Variants in NEK6 observed in about 807,000 individuals in gnomAD.
NEK6 encodes the protein NIMA related kinase 6, also known as serine/threonine-protein kinase Nek6.
A neutral mutation model predicts 43.5 loss-of-function variants in NEK6; 27 were observed. That is an observed-to-expected ratio of 0.62 (90% confidence interval 0.46 to 0.86). The LOEUF is 0.86. Ranked by LOEUF, NEK6 falls within the 40% of genes least tolerant of loss-of-function variation. The pLI, the probability that NEK6 is intolerant of heterozygous loss-of-function variation, is 0.00. For missense variants in NEK6, 318 were observed against 414.4 expected, an observed-to-expected ratio of 0.77 and a Z score of 2.02; for synonymous variants, 167 against 164.1, an observed-to-expected ratio of 1.02 and a Z score of -0.14.
At chr9:124,268,717 G>A (rs1309420251) in intron 1 of NEK6, among the ~76,000 whole-genome samples, 2 of 152,192 alleles carry the variant, frequency 1.3e-5, no homozygotes, top group Non-Finnish European at 2.9e-5. Context: ...CCCTTCACAC[G>A]TTGTGTCTCA....
At chr9:124,316,287 A>T (rs1833814763) in intron 4 of NEK6, among the ~76,000 whole-genome samples, 1 of 152,200 alleles carries the variant, frequency 6.6e-6, no homozygotes, top group South Asian at 2.1e-4. Context: ...TCCTGTTGGA[A>T]CGCAGGCGTG....
intron 1 of NEK6, among the ~76,000 whole-genome samples, chr9:124,284,622 A>G (rs1210905875): frequency 2.6e-5 from 4 of 152,236 alleles, no homozygotes; most frequent in Non-Finnish European, 5.9e-5. Context: ...GGCGGTCTCT[A>G]TGGAGTTGTT....
intron 1 of NEK6, among the ~76,000 whole-genome samples, chr9:124,286,089 G>A (rs958794340): frequency 1.4e-5 from 2 of 146,240 alleles, no homozygotes; most frequent in African/African-American, 5.0e-5. Flanking sequence ...GCCCTCCCCC[G>A]CAGTCAGACT....
At position 124,257,981 on chromosome 9, in the gene NEK6, G is replaced by A. The variant is rs1432567951; in HGVS notation, c.-134G>A. ...CGGCGGCGGCGGAACCGAGCTGACG[G>A]GCGTGCGGCCGCTGCGCCGCAAACT... is the stretch of plus-strand genomic sequence containing the variant. On this transcript the variant is annotated 5_prime_UTR_variant, in exon 1 of 10. Transcript: ENST00000320246. The A allele has an allele frequency of 9.1e-4, 891 of 979,020 alleles. 35 individuals are homozygous for A. Among genetic ancestry groups the A allele is most frequent in the Non-Finnish European group, 1.4e-4 (115 of 827,490 alleles). The allele number at this position is 979,020 out of a possible 1,614,324, so 60.6% of individuals were successfully genotyped here. A position where few individuals can be genotyped will look rare whatever the true frequency, so the allele number is the denominator to read the frequency against.
chr9:124,347,607 A>G, intron 8 of NEK6, 102 bp from the exon 9 acceptor site: 1 of 695,414 alleles, frequency 1.4e-6, no homozygotes, highest in Non-Finnish European at 2.4e-6. Context: ...GGTCGGGACC[A>G]GAGAGAACCC....
At chr9:124,302,559 G>A (rs985724390) in intron 2 of NEK6, among the ~76,000 whole-genome samples, 6 of 152,170 alleles carry the variant, frequency 3.9e-5, no homozygotes, top group Admixed American at 6.5e-5. Context: ...CCTGCCTCTC[G>A]CTCTCTCTAG....
intron 2 of NEK6, among the ~76,000 whole-genome samples, chr9:124,303,291 C>T (rs992948312): frequency 3.3e-5 from 5 of 152,356 alleles, no homozygotes; most frequent in African/African-American, 1.2e-4. Context: ...TAGCCACCCT[C>T]CTGAGCCATG....
At chr9:124,314,636 G>T (rs1015661677) in intron 4 of NEK6, among the ~76,000 whole-genome samples, 1 of 151,780 alleles carries the variant, frequency 6.6e-6, no homozygotes, top group African/African-American at 2.4e-5. Context: ...GACCACAGGC[G>T]CATGCCACCA....
At position 124,319,819 on chromosome 9, in the gene NEK6, A is replaced by G. The variant is rs1588507764; in HGVS notation, c.295-1640A>G. Among the ~76,000 whole-genome samples the G allele has an allele frequency of 1.2e-4, 18 of 152,336 alleles. No homozygotes were observed. The South Asian group carries it at 3.5e-3, about 30-fold the overall frequency. On this transcript the variant is annotated intron_variant, in intron 4 of 9. Coordinates refer to ENST00000320246, the MANE Select transcript of NEK6 (RefSeq NM_014397.6). ...TCTATGTATCTATTTTTGTACCAGT[A>G]CCATGCTGTTTTGGTTACCATAGGC...
In NEK6 at chr9:124,326,319, C is replaced by T. The variant is rs1205992897; in HGVS notation, c.406-11C>T. The T allele has an allele frequency of 3.1e-6, 5 of 1,602,114 alleles. No homozygotes were observed. The highest frequency in any genetic ancestry group is 2.2e-5 in the East Asian group (1 of 44,780). ...CCGGGCCTATCCCTCTGCTTGTCTCCCCCACTGCAGTACTTTAAGAAGCAG... is the reference window on the plus strand; with the variant it reads ...CCGGGCCTATCCCTCTGCTTGTCTCTCCCACTGCAGTACTTTAAGAAGCAG... On this transcript the variant is annotated splice_polypyrimidine_tract_variant and intron_variant, in intron 5 of 9. Coordinates refer to ENST00000320246, the MANE Select transcript of NEK6 (RefSeq NM_014397.6). This position sits in a 1 kb window ranked among gnomAD's most constrained non-coding sequence, Gnocchi z 4.5.
intron 2 of NEK6, among the ~76,000 whole-genome samples, chr9:124,306,539 G>A (rs934317055): frequency 1.3e-5 from 2 of 152,268 alleles, no homozygotes; most frequent in Non-Finnish European, 2.9e-5. Flanking sequence ...TACTCCTGCT[G>A]ACTCAGAGGA....
At chr9:124,321,040 C>A (rs548146768) in intron 4 of NEK6, among the ~76,000 whole-genome samples, 1 of 152,274 alleles carries the variant, frequency 6.6e-6, no homozygotes, top group East Asian at 1.9e-4. Context: ...GCAGGCTGGC[C>A]GTGTCTGGGC....
intron 1 of NEK6, among the ~76,000 whole-genome samples, chr9:124,282,641 G>A (rs942418173): frequency 6.6e-6 from 1 of 152,184 alleles, no homozygotes; most frequent in Non-Finnish European, 1.5e-5. Context: ...GGTCAGACAC[G>A]CCCACTGAAT....
chr9:124,350,996 TGAGTC>T lies in NEK6; in HGVS notation c.*51_*55del, dbSNP rs763994206. On this transcript the variant is annotated 3_prime_UTR_variant, in exon 10 of 10. Coordinates refer to ENST00000320246, the MANE Select transcript of NEK6 (RefSeq NM_014397.6). ...AAAGCCAGCACCACTTTGCCTTACT[TGAGTC>T]GTCTTCTCTTCGAGTGGCCACCTGG... is the stretch of plus-strand genomic sequence containing the variant. The T allele has an allele frequency of 2.2e-6, 3 of 1,366,026 alleles. No individual in the cohort carries two copies. In the East Asian group the frequency reaches 6.9e-5, roughly 32 times the overall value. 84.6% of individuals were successfully genotyped at this position (1,366,026 alleles called of 1,614,324 possible).
At chr9:124,330,153 A>C (rs1261671378) in intron 7 of NEK6, among the ~76,000 whole-genome samples, 1 of 152,218 alleles carries the variant, frequency 6.6e-6, no homozygotes, top group African/African-American at 2.4e-5. Context: ...TCGGGCTGAC[A>C]GGTGCGGTAC....
At position 124,339,552 on chromosome 9, in the gene NEK6, G is replaced by A. The variant is rs540020640; in HGVS notation, c.623-19G>A. 32 of 1,590,912 alleles carry A rather than the reference G, an allele frequency of 2.0e-5. No individual in the cohort carries two copies. The highest frequency in any genetic ancestry group is 2.6e-5 in the Non-Finnish European group (30 of 1,159,036). On this transcript the variant is annotated intron_variant, in intron 7 of 9. Transcript: ENST00000320246. The stretch of plus-strand genomic sequence containing the variant: ...CCCTACATGGAGCATAAGCAGCCCC[G>A]CCCCTTGCTGTGTTGCAGTGGGGAC...
At chr9:124,258,162 GTCACCCCCAGCCGGGCCGAGGGCGGGCGC>G (rs1378495384) in intron 1 of NEK6, 77 bp downstream of exon 1, 19 of 975,116 alleles carry the variant, frequency 1.9e-5, no homozygotes, top group Non-Finnish European at 2.3e-5. Context: ...CGGCGGGGCC[GTCACCCCCAGCCGGGCCGAGGGCGGGCGC>G]GCGCCCACGG....
At chr9:124,272,958 C>A (rs191094580) in intron 1 of NEK6, among the ~76,000 whole-genome samples, 249 of 152,244 alleles carry the variant, frequency 1.6e-3, no homozygotes, top group African/African-American at 5.4e-3. Flanking sequence ...AGCAGAAAAA[C>A]CAAAGATTCT....
intron 1 of NEK6, among the ~76,000 whole-genome samples, chr9:124,301,178 G>A (rs1217457542): frequency 6.6e-6 from 1 of 152,232 alleles, no homozygotes; most frequent in Admixed American, 6.5e-5. Context: ...AGAAGCACTT[G>A]TCTGATGGGG....
Sources: gnomAD v4.1 joint callset for allele counts (sites outside exome capture counted in the v4.1 genomes callset) on GRCh38, gnomAD v4.1.1 for gene constraint, Gnocchi (gnomAD v3.1) non-coding constraint, MANE v1.5 for transcripts, NCBI Gene and HGNC (gene_info 2026-07-23, HGNC 2026-07-21) for gene names.